Variants in CHRM5 observed in about 807,000 individuals in gnomAD.
The protein encoded by CHRM5 is cholinergic receptor muscarinic 5.
CHRM5 carries 18 observed loss-of-function variants against 39.0 expected under a neutral mutation model. The observed-to-expected ratio is 0.46, with a 90% CI of 0.32 to 0.68. The LOEUF is 0.68. Among genes scored for constraint, CHRM5 ranks in the 30% least tolerant of loss-of-function variants. The pLI is 0.04. For missense variants in CHRM5, 515 were observed against 651.1 expected (o/e 0.79, Z 2.28); for synonymous variants, 241 against 246.3 (o/e 0.98, Z 0.20).
chr15:33,971,438 C>G, intron 1 of CHRM5, among the ~76,000 whole-genome samples: 1 of 151,890 alleles, frequency 6.6e-6, no homozygotes. Context: ...TATCCAAAAG[C>G]TATAAGCTTT....
intron 1 of CHRM5, among the ~76,000 whole-genome samples, chr15:33,987,955 CA>C (rs1896549129): frequency 6.6e-6 from 1 of 152,188 alleles, no homozygotes; most frequent in Non-Finnish European, 1.5e-5. Flanking sequence ...ACTGTCTACA[CA>C]AGGAGGTGAA....
chr15:34,062,970 A>G lies in CHRM5; in HGVS notation c.253A>G (p.Asn85Asp). The change falls in exon 3 of 3, where the codon AAC becomes GAC. Residue 85 changes from asparagine to aspartate, a missense_variant. Asn to Asp is a conservative substitution (Grantham distance 23). Transcript: ENST00000383263. ...ADLIIGIFSM[N>D]LYTTYILMGR... ...TCTCATCATTGGAATCTTCTCCATG[A>G]ACCTCTACACCACCTACATCCTCAT... The G allele has an allele frequency of 6.2e-7, 1 of 1,614,084 alleles. No homozygotes were observed. Among genetic ancestry groups the G allele is most frequent in the South Asian group, 1.1e-5 (1 of 91,070 alleles).
chr15:33,995,088 C>T (rs1292104621), intron 1 of CHRM5, among the ~76,000 whole-genome samples: 1 of 152,138 alleles, frequency 6.6e-6, no homozygotes, highest in African/African-American at 2.4e-5. Flanking sequence ...ACAGCAAGGT[C>T]CTGTCTCTAC....
intron 1 of CHRM5, among the ~76,000 whole-genome samples, chr15:33,989,901 AT>A (rs1304718886): frequency 2.0e-5 from 3 of 150,808 alleles, no homozygotes; most frequent in South Asian, 4.2e-4. Flanking sequence ...ACTAGATGCT[AT>A]TAGAACGTGG....
chr15:33,977,246 T>G (rs1347322670), intron 1 of CHRM5, among the ~76,000 whole-genome samples: 1 of 152,044 alleles, frequency 6.6e-6, no homozygotes, highest in Admixed American at 6.5e-5. Context: ...GAAGCTTGCC[T>G]TTAGGATAAC....
At chr15:34,055,127 G>A (rs1448064955) in intron 2 of CHRM5, among the ~76,000 whole-genome samples, 5 of 150,686 alleles carry the variant, frequency 3.3e-5, no homozygotes, top group African/African-American at 1.2e-4. Context: ...GGGAGGCGGC[G>A]ATTGCGGTGA....
chr15:33,974,760 G>A (rs1046201182), intron 1 of CHRM5, among the ~76,000 whole-genome samples: 1 of 152,192 alleles, frequency 6.6e-6, no homozygotes, highest in Non-Finnish European at 1.5e-5. Context: ...ATCACCTGAG[G>A]TCAGGGGTTT....
intron 1 of CHRM5, among the ~76,000 whole-genome samples, chr15:34,043,662 G>T (rs756539199): frequency 3.3e-5 from 5 of 152,166 alleles, no homozygotes; most frequent in African/African-American, 4.8e-5. Context: ...AGGGTACTTT[G>T]ACTTGAAGGG....
intron 1 of CHRM5, among the ~76,000 whole-genome samples, chr15:33,990,054 A>G (rs1369887184): frequency 1.3e-5 from 2 of 151,812 alleles, no homozygotes; most frequent in Non-Finnish European, 2.9e-5. Flanking sequence ...AATACACAAA[A>G]TTAGCCGGGC....
intron 1 of CHRM5, among the ~76,000 whole-genome samples, chr15:33,989,504 C>T (rs768558772): frequency 2.6e-5 from 4 of 151,456 alleles, no homozygotes; most frequent in South Asian, 2.1e-4. Context: ...GATCCCCTGA[C>T]GCCCACCAAG....
intron 1 of CHRM5, among the ~76,000 whole-genome samples, chr15:34,041,790 A>T (rs932824247): frequency 3.9e-5 from 6 of 152,218 alleles, no homozygotes; most frequent in Non-Finnish European, 7.3e-5. Flanking sequence ...ACAGATAAGA[A>T]AACTGAGTTG....
intron 1 of CHRM5, among the ~76,000 whole-genome samples, chr15:34,030,788 T>G (rs1425147888): frequency 6.6e-6 from 1 of 151,972 alleles, no homozygotes; most frequent in Non-Finnish European, 1.5e-5. Flanking sequence ...GGCTAAATTT[T>G]TTGTTGTTGT....
intron 1 of CHRM5, among the ~76,000 whole-genome samples, chr15:34,024,840 G>A (rs1197302119): frequency 7.0e-5 from 10 of 143,688 alleles, no homozygotes; most frequent in African/African-American, 1.8e-4. Flanking sequence ...CAGCCTGGGC[G>A]ACAAAGCAAG....
intron 1 of CHRM5, among the ~76,000 whole-genome samples, chr15:34,016,596 G>A (rs1224065195): frequency 6.6e-6 from 1 of 152,086 alleles, no homozygotes; most frequent in African/African-American, 2.4e-5. Context: ...TTACCAACAG[G>A]AGTTTTTGAT....
intron 1 of CHRM5, among the ~76,000 whole-genome samples, chr15:33,999,121 TC>T (rs1305998438): frequency 6.6e-6 from 1 of 152,198 alleles, no homozygotes; most frequent in Non-Finnish European, 1.5e-5. Flanking sequence ...GATTACAACT[TC>T]CCTTGTCTTC....
At chr15:34,024,108 C>T (rs1898329978) in intron 1 of CHRM5, among the ~76,000 whole-genome samples, 1 of 152,180 alleles carries the variant, frequency 6.6e-6, no homozygotes, top group Non-Finnish European at 1.5e-5. Context: ...TTCAATTACA[C>T]AACAAATATC....
chr15:34,013,746 A>T (rs1180569875), intron 1 of CHRM5, among the ~76,000 whole-genome samples: 1 of 152,196 alleles, frequency 6.6e-6, no homozygotes, highest in East Asian at 1.9e-4. Context: ...ATGGGGGAGA[A>T]GGGGGAATGG....
At chr15:33,992,692 G>A (rs943645353) in intron 1 of CHRM5, among the ~76,000 whole-genome samples, 1 of 152,092 alleles carries the variant, frequency 6.6e-6, no homozygotes, top group Non-Finnish European at 1.5e-5. Context: ...GAATCAATGA[G>A]GACAAATAAA....
At chr15:33,970,806 A>T (rs922275451) in intron 1 of CHRM5, among the ~76,000 whole-genome samples, 2 of 151,972 alleles carry the variant, frequency 1.3e-5, no homozygotes, top group African/African-American at 4.8e-5. Flanking sequence ...ATGTAAACAG[A>T]GACTCATATC....
Sources: allele counts gnomAD v4.1 joint callset (sites outside exome capture counted in the v4.1 genomes callset), GRCh38; gene constraint gnomAD v4.1.1; transcripts MANE v1.5; gene names NCBI Gene and HGNC (gene_info 2026-07-23, HGNC 2026-07-21).